Variants in KCNMA1 observed in about 807,000 individuals in gnomAD.
The protein encoded by KCNMA1 is Calcium-activated potassium channel subunit alpha-1.
KCNMA1 carries 29 observed loss-of-function variants against 140.0 expected under a neutral mutation model. The ratio of observed to expected loss-of-function variants is 0.21; its 90% confidence interval spans 0.15 to 0.28. The LOEUF is 0.28. KCNMA1 is among the 10% of genes least tolerant of loss of function. The pLI, the probability that KCNMA1 is intolerant of heterozygous loss-of-function variation, is 1.00. For synonymous variants in KCNMA1, 612 were observed against 611.9 expected (o/e 1.00, Z 0.00); for missense variants, 880 against 1,602.2 (o/e 0.55, Z 7.70).
At chr10:77,342,846 A>G (rs1180699237) in intron 2 of KCNMA1, among the ~76,000 whole-genome samples, 2 of 152,214 alleles carry the variant, frequency 1.3e-5, no homozygotes, top group Non-Finnish European at 2.9e-5. Context: ...GCCGAGCCCC[A>G]TCACTGGGAA....
At chr10:76,917,437 C>G (rs1282253676) in intron 23 of KCNMA1, among the ~76,000 whole-genome samples, 1 of 152,178 alleles carries the variant, frequency 6.6e-6, no homozygotes, top group Admixed American at 6.5e-5. Context: ...TTTATTTTAT[C>G]TTATTTAAAG....
intron 3 of KCNMA1, among the ~76,000 whole-genome samples, chr10:77,198,028 C>T (rs1484029027): frequency 6.6e-6 from 1 of 152,070 alleles, no homozygotes; most frequent in African/African-American, 2.4e-5. Flanking sequence ...GCTTCCCTGG[C>T]CATCCTTTCA....
At chr10:76,992,704 G>A (rs1393760706) in intron 19 of KCNMA1, among the ~76,000 whole-genome samples, 1 of 152,152 alleles carries the variant, frequency 6.6e-6, no homozygotes, top group African/African-American at 2.4e-5. Context: ...GGTCAATGGT[G>A]TACACAAATG....
chr10:77,544,130 T>G (rs1277900251), intron 1 of KCNMA1, among the ~76,000 whole-genome samples: 1 of 149,362 alleles, frequency 6.7e-6, no homozygotes, highest in Non-Finnish European at 1.5e-5. Flanking sequence ...TGTCAATCTG[T>G]GATCTACATA....
At chr10:77,272,787 T>TA (rs1441819071) in intron 2 of KCNMA1, among the ~76,000 whole-genome samples, 2 of 152,208 alleles carry the variant, frequency 1.3e-5, no homozygotes, top group African/African-American at 4.8e-5. Context: ...TTTCTTTAAT[T>TA]ATATGGCAGT....
At chr10:77,444,683 C>T (rs957800751) in intron 1 of KCNMA1, among the ~76,000 whole-genome samples, 24 of 152,134 alleles carry the variant, frequency 1.6e-4, no homozygotes, top group Non-Finnish European at 2.9e-5. Flanking sequence ...CTCCTAACCA[C>T]TCTGGAGATT....
intron 15 of KCNMA1, among the ~76,000 whole-genome samples, chr10:77,031,359 T>C (rs1434381035): frequency 6.6e-6 from 1 of 152,226 alleles, no homozygotes; most frequent in African/African-American, 2.4e-5. Flanking sequence ...GTGAAGCACT[T>C]ATCCCTCTGG....
At chr10:77,396,166 A>T (rs982915975) in intron 2 of KCNMA1, among the ~76,000 whole-genome samples, 15 of 152,250 alleles carry the variant, frequency 9.9e-5, no homozygotes, top group African/African-American at 2.9e-4. Context: ...AGAGAGCAGG[A>T]CATACCTATT....
intron 1 of KCNMA1, among the ~76,000 whole-genome samples, chr10:77,454,311 TC>T (rs1482630534): frequency 3.9e-5 from 6 of 152,162 alleles, no homozygotes; most frequent in African/African-American, 4.8e-5. Context: ...AAAGTGCCTC[TC>T]TAGCTCTGTG....
intron 2 of KCNMA1, among the ~76,000 whole-genome samples, chr10:77,318,664 G>C (rs142524117): frequency 6.6e-6 from 1 of 152,114 alleles, no homozygotes; most frequent in Non-Finnish European, 1.5e-5. Flanking sequence ...CCCTACTCAC[G>C]TCCTAGAAGA....
chr10:77,261,259 C>A (rs1043768755), intron 2 of KCNMA1, among the ~76,000 whole-genome samples: 1 of 152,116 alleles, frequency 6.6e-6, no homozygotes, highest in Non-Finnish European at 1.5e-5. Flanking sequence ...AAGTTAACTG[C>A]AATCATGGAC....
At chr10:77,359,641 C>T (rs77674779) in intron 2 of KCNMA1, among the ~76,000 whole-genome samples, 11,822 of 152,230 alleles carry the variant, frequency 0.078, 689 homozygotes, top group Non-Finnish European at 0.11. Context: ...TCATTCATTA[C>T]CAGATGAACC....
chr10:77,303,044 C>A (rs2076905268), intron 2 of KCNMA1, among the ~76,000 whole-genome samples: 1 of 152,064 alleles, frequency 6.6e-6, no homozygotes, highest in Non-Finnish European at 1.5e-5. Flanking sequence ...AGCTGTGTAG[C>A]CTTGGGAAAA....
At chr10:77,226,449 G>A (rs1283977573) in intron 3 of KCNMA1, among the ~76,000 whole-genome samples, 3 of 151,754 alleles carry the variant, frequency 2.0e-5, no homozygotes, top group South Asian at 2.1e-4. Context: ...ACTGGGAGAC[G>A]TCCTATTTGA....
chr10:77,100,862 A>G lies in KCNMA1; in HGVS notation c.1223+7619T>C, dbSNP rs556924073. Among the ~76,000 whole-genome samples, 10 of 152,332 alleles carry G rather than the reference A, an allele frequency of 6.6e-5. No individual in the cohort carries two copies. The South Asian group carries it at 2.1e-3, about 32-fold the overall frequency. On this transcript the variant is annotated intron_variant, in intron 9 of 27. Coordinates refer to ENST00000286628, the MANE Select transcript of KCNMA1 (RefSeq NM_001161352.2). ...GAAATCATATTCGAATTATTTTTTA[A>G]TGGAAGAAAGAATATTTGAGAGTGA...
At chr10:77,202,300 A>C (rs1359740469) in intron 3 of KCNMA1, among the ~76,000 whole-genome samples, 1 of 152,236 alleles carries the variant, frequency 6.6e-6, no homozygotes, top group Non-Finnish European at 1.5e-5. Context: ...GACATCATTT[A>C]CCTACTGCAC....
At chr10:77,341,847 C>A (rs2091007467) in intron 2 of KCNMA1, among the ~76,000 whole-genome samples, 1 of 152,220 alleles carries the variant, frequency 6.6e-6, no homozygotes, top group Non-Finnish European at 1.5e-5. Flanking sequence ...GATTCCTTGG[C>A]AGAACTTGGA....
At chr10:77,561,977 TC>T (rs1198625007) in intron 1 of KCNMA1, among the ~76,000 whole-genome samples, 2 of 152,206 alleles carry the variant, frequency 1.3e-5, no homozygotes, top group Admixed American at 6.5e-5. Context: ...TTCAACAGCC[TC>T]ATTTTACCAA....
At position 76,940,010 on chromosome 10, in the gene KCNMA1, G is replaced by T. The variant is rs1320593475; in HGVS notation, c.2902+4763C>A. On this transcript the variant is annotated intron_variant, in intron 23 of 27. Coordinates refer to ENST00000286628, the MANE Select transcript of KCNMA1 (RefSeq NM_001161352.2). ...AGTGACAGGCACTCTGTAAATAAAG[G>T]CACTTAGTTGCTGGTAAAGAGCTGT... 3.9e-5 allele frequency among the ~76,000 whole-genome samples: 6 copies of T among 152,366 alleles called. No homozygotes were observed. In the East Asian group the frequency reaches 1.2e-3, roughly 29 times the overall value.
Sources: allele counts gnomAD v4.1 joint callset (sites outside exome capture counted in the v4.1 genomes callset), GRCh38; gene constraint gnomAD v4.1.1; transcripts MANE v1.5; gene names NCBI Gene and HGNC (gene_info 2026-07-23, HGNC 2026-07-21).